Variants in LRRC43 observed in about 807,000 individuals in gnomAD.
LRRC43 encodes the protein leucine rich repeat containing 43.
LRRC43 carries 62 observed loss-of-function variants against 64.3 expected under a neutral mutation model. The observed-to-expected ratio is 0.96, with a 90% CI of 0.79 to 1.19. LRRC43 has a LOEUF of 1.19. LRRC43 is among the 50% of genes most tolerant of loss of function. The probability of loss-of-function intolerance (pLI) is 0.00; values close to 1 mark genes in which losing one functional copy is unlikely to be tolerated. For missense variants in LRRC43, 868 were observed against 845.0 expected, an observed-to-expected ratio of 1.03 and a Z score of -0.34; for synonymous variants, 422 against 382.3, an observed-to-expected ratio of 1.10 and a Z score of -1.21.
intron 1 of LRRC43, among the ~76,000 whole-genome samples, chr12:122,169,531 C>T (rs995787523): frequency 2.0e-5 from 3 of 151,722 alleles, no homozygotes; most frequent in South Asian, 2.1e-4. Context: ...CTGGCTAACA[C>T]GGTGAAACCC....
chr12:122,170,037 C>T (rs1301512390), intron 1 of LRRC43, among the ~76,000 whole-genome samples: 4 of 152,126 alleles, frequency 2.6e-5, no homozygotes, highest in East Asian at 1.9e-4. Flanking sequence ...GAGCTCCTGA[C>T]CTCAAGTGAT....
At chr12:122,183,354 C>G in intron 1 of LRRC43, 60 bp downstream of exon 1, 1 of 1,380,112 alleles carries the variant, frequency 7.2e-7, no homozygotes, top group Middle Eastern at 2.6e-4. Flanking sequence ...GGCACGGGCC[C>G]GGGCGAGCGG....
intron 11 of LRRC43, 61 bp from the exon 12 acceptor site, chr12:122,203,254 C>A: frequency 6.3e-7 from 1 of 1,582,090 alleles, no homozygotes; most frequent in Admixed American, 1.7e-5. Flanking sequence ...TGGGTCAGGG[C>A]GGCCGAGAAC....
chr12:122,188,643 G>A (rs1412204744), intron 4 of LRRC43, among the ~76,000 whole-genome samples: 2 of 151,878 alleles, frequency 1.3e-5, no homozygotes, highest in African/African-American at 4.8e-5. Flanking sequence ...GTTTCACCAT[G>A]TTGGCCAGGA....
chr12:122,170,609 T>C (rs538958775), intron 1 of LRRC43, among the ~76,000 whole-genome samples: 82 of 151,880 alleles, frequency 5.4e-4, no homozygotes, highest in African/African-American at 1.7e-3. Context: ...CCAGCCTGGG[T>C]GACAGAGTGA....
chr12:122,191,398 C>A lies in LRRC43; in HGVS notation c.920C>A (p.Ala307Glu). ...CCTGCAGATCTCTTGGCACAGGAGG[C>A]GCAGTTTGTGGTGACCATCGGAAAC... is the stretch of plus-strand genomic sequence containing the variant. ...SLNGDLLAQEAQFVVTIGNIR... is the reference protein window; with the variant it reads ...SLNGDLLAQEEQFVVTIGNIR... Residue 307 changes from alanine (A) to glutamate (E), a missense_variant, in exon 6 of 12, where the codon GCG (alanine) becomes GAG (glutamate). Transcript: ENST00000339777. 1 of 1,611,894 alleles carries A rather than the reference C, an allele frequency of 6.2e-7. No individual in the cohort carries two copies. Among genetic ancestry groups the A allele is most frequent in the African/African-American group, 1.3e-5 (1 of 74,962 alleles).
intron 7 of LRRC43, among the ~76,000 whole-genome samples, chr12:122,197,739 G>A (rs11060556): frequency 0.18 from 26,984 of 151,852 alleles, 2,664 homozygotes; most frequent in Admixed American, 0.24. Context: ...AAGTTTTCAA[G>A]CAGAGGAGTA....
In LRRC43 at chr12:122,184,634, G is replaced by A. The variant is rs199909089; in HGVS notation, c.266G>A (p.Arg89His). 136 of 1,613,798 alleles carry A rather than the reference G, an allele frequency of 8.4e-5. No homozygotes were observed. The highest frequency in any genetic ancestry group is 1.1e-4 in the Non-Finnish European group (131 of 1,179,844). Reference sequence around the variant, plus strand: ...GTGGAGGCCCTGCTGGGCCTGGTCCGCAGCCGCCACTCCCCCTGGGCTCTG... The same window carrying A: ...GTGGAGGCCCTGCTGGGCCTGGTCCACAGCCGCCACTCCCCCTGGGCTCTG... The part of the protein sequence containing the change: ...ETVEALLGLV[R>H]SRHSPWALLN... The change falls in exon 2 of 12, where the codon CGC (arginine) becomes CAC (histidine). Residue 89 changes from arginine (R) to histidine (H), a missense_variant. Coordinates refer to ENST00000339777, the MANE Select transcript of LRRC43 (RefSeq NM_001098519.2). This position sits in a 1 kb window ranked among gnomAD's most constrained non-coding sequence, Gnocchi z 4.0.
At chr12:122,183,056 C>CT, upstream of LRRC43, 2 of 1,465,770 alleles carry the variant, frequency 1.4e-6, no homozygotes, top group Admixed American at 2.5e-5. Context: ...GGATGGGGGA[C>CT]TTTTCCCTCG....
chr12:122,202,674 T>A (rs117972160), intron 11 of LRRC43, among the ~76,000 whole-genome samples: 1 of 152,346 alleles, frequency 6.6e-6, no homozygotes, highest in Non-Finnish European at 1.5e-5. Context: ...TCTTTGCGTA[T>A]TGGAAAATTG....
Position 122,190,261 on chromosome 12 carries a change from A to T in LRRC43, c.794A>T (p.Tyr265Phe). ...GGAAACCCACTGGCCTTGGTGCCCTACTACCGCGGCCTCACCATCGACAGC... is the reference window on the plus strand; with the variant it reads ...GGAAACCCACTGGCCTTGGTGCCCTTCTACCGCGGCCTCACCATCGACAGC... ...LQGNPLALVP[Y>F]YRGLTIDSLA... Residue 265 changes from tyrosine to phenylalanine, a missense_variant, in exon 5 of 12, where the codon TAC becomes TTC. Coordinates refer to ENST00000339777, the MANE Select transcript of LRRC43 (RefSeq NM_001098519.2). 1.2e-6 allele frequency: 2 copies of T among 1,614,148 alleles called. No individual in the cohort carries two copies. Among genetic ancestry groups the T allele is most frequent in the Non-Finnish European group, 1.7e-6 (2 of 1,180,034 alleles).
chr12:122,177,502 TGTGTGTGTGTG>T (rs1214256845), intron 1 of LRRC43, among the ~76,000 whole-genome samples: 1 of 147,916 alleles, frequency 6.8e-6, no homozygotes, highest in African/African-American at 2.6e-5. Context: ...TGTGTGTGTG[TGTGTGTGTGTG>T]TGTGTTTAAT....
At chr12:122,175,230 C>T (rs190193344) in intron 1 of LRRC43, among the ~76,000 whole-genome samples, 98 of 151,698 alleles carry the variant, frequency 6.5e-4, no homozygotes, top group African/African-American at 1.9e-3. Flanking sequence ...AGTGCAGTAG[C>T]GCAATCTCGG....
Position 122,200,309 on chromosome 12 carries a change from C to A in LRRC43, c.1470C>A (p.Thr490=). 6.2e-7 allele frequency: 1 copy of A among 1,611,272 alleles called. No homozygotes were observed. ...PLKAFLLAGT[T]VTIVEEKILS... is the part of the protein sequence containing the mutation. ...AGGCCTTCCTGCTGGCGGGGACCAC[C>A]GTGACCATCGTGGAGGAGAAGGTGG... is the stretch of plus-strand genomic sequence containing the variant. The change falls in exon 8 of 12, where the codon ACC becomes ACA. Residue 490 remains threonine, a synonymous_variant. Transcript: ENST00000339777. This position sits in a 1 kb window ranked among gnomAD's most constrained non-coding sequence, Gnocchi z 4.6.
At position 122,168,390 on chromosome 12, in the gene LRRC43, G is replaced by A. The variant is rs113147121; in HGVS notation, c.-406+608G>A. On this transcript the variant is annotated intron_variant, in intron 1 of 5. Coordinates refer to the LRRC43 transcript ENST00000537729. ...TGGGACGTGGAGATTGTAATGAGCC[G>A]AGATTGCATCATTGCACTCTAACCT... 2.1e-3 allele frequency among the ~76,000 whole-genome samples: 311 copies of A among 151,156 alleles called. 3 individuals carry two copies. Among genetic ancestry groups the A allele is most frequent in the African/African-American group, 6.9e-3 (285 of 41,154 alleles).
Position 122,200,709 on chromosome 12 carries a change from C to A in LRRC43, c.1621-37C>A. The A allele has an allele frequency of 6.2e-7, 1 of 1,613,156 alleles. No individual in the cohort carries two copies. The highest frequency in any genetic ancestry group is 1.1e-5 in the South Asian group (1 of 91,062). ...GGGCAGCCTGGCCACACCCTTGCTT[C>A]AACTTGTCCCACCCTCCTGTCCTCC... On this transcript the variant is annotated intron_variant, in intron 9 of 11. Coordinates refer to ENST00000339777, the MANE Select transcript of LRRC43 (RefSeq NM_001098519.2). The surrounding 1 kb of genome is among the most constrained non-coding windows in gnomAD (Gnocchi z 4.6).
intron 1 of LRRC43, chr12:122,174,176 G>A (rs369999172): frequency 6.8e-5 from 109 of 1,614,012 alleles, no homozygotes; most frequent in Non-Finnish European, 9.2e-5. Context: ...AGGCCATGGC[G>A]AGAGAGAGCA....
chr12:122,200,777 C>A lies in LRRC43; in HGVS notation c.1652C>A (p.Pro551Gln). ...EWKVLKKKKE[P>Q]PKELRQDPPI... ...AAGGTGCTGAAGAAGAAGAAAGAGC[C>A]GCCCAAGGAGCTCCGGCAGGACCCC... The change falls in exon 10 of 12, where the codon CCG becomes CAG. Residue 551 changes from proline to glutamine, a missense_variant. Transcript: ENST00000339777. This position sits in a 1 kb window ranked among gnomAD's most constrained non-coding sequence, Gnocchi z 4.6. 6.2e-7 allele frequency: 1 copy of A among 1,612,814 alleles called. No homozygotes were observed. Among genetic ancestry groups the A allele is most frequent in the Non-Finnish European group, 8.5e-7 (1 of 1,180,026 alleles).
chr12:122,180,229 G>T (rs1322793256), upstream of LRRC43, among the ~76,000 whole-genome samples: 1 of 151,522 alleles, frequency 6.6e-6, no homozygotes, highest in Non-Finnish European at 1.5e-5. Flanking sequence ...AGGAAAAAGT[G>T]AGCATAGGCC....
Sources: allele counts gnomAD v4.1 joint callset (sites outside exome capture counted in the v4.1 genomes callset), GRCh38; gene constraint gnomAD v4.1.1; non-coding constraint Gnocchi (gnomAD v3.1); transcripts MANE v1.5; gene names NCBI Gene and HGNC (gene_info 2026-07-23, HGNC 2026-07-21).